SEMA3A: variants seen among roughly 807,000 people sequenced by gnomAD.
SEMA3A encodes semaphorin 3A.
SEMA3A carries 29 observed loss-of-function variants against 97.9 expected under a neutral mutation model. The ratio of observed to expected loss-of-function variants is 0.30; its 90% CI spans 0.22 to 0.40. SEMA3A has a LOEUF of 0.40. SEMA3A is among the 10% of genes least tolerant of loss of function. SEMA3A has a pLI of 1.00. For missense variants in SEMA3A, 763 were observed against 951.3 expected, an observed-to-expected ratio of 0.80 and a Z score of 2.60; for synonymous variants, 321 against 323.7, an observed-to-expected ratio of 0.99 and a Z score of 0.09.
rs190731057 is a variant in SEMA3A at position 84,236,461 on chromosome 7, C to T, written c.-82-41793G>A. Among the ~76,000 whole-genome samples, 26 of 152,202 alleles carry T rather than the reference C, an allele frequency of 1.7e-4. No homozygotes were observed. In the East Asian group the frequency reaches 4.3e-3, roughly 25 times the overall value. ...TTCGCTAAAATTCTGAATATGATTG[C>T]CTCTCTTTGCAAGAGAAAATGAACA... On this transcript the variant is annotated intron_variant, in intron 3 of 3. Coordinates refer to the SEMA3A transcript ENST00000424555.
Position 84,121,847 on chromosome 7 carries a change from G to A in SEMA3A, c.333+7276C>T, listed in dbSNP as rs1795626382. ...GTAGAGACGGGGTTTCACCGTTTTAGCCGGGATGGTCTCGATCTCTTGACC... is the reference window on the plus strand; with the variant it reads ...GTAGAGACGGGGTTTCACCGTTTTAACCGGGATGGTCTCGATCTCTTGACC... On this transcript the variant is annotated intron_variant, in intron 3 of 16. Transcript: ENST00000265362. 4.3e-5 allele frequency among the ~76,000 whole-genome samples: 2 copies of A among 46,846 alleles called. 1 individual carries two copies. The highest frequency in any genetic ancestry group is 1.6e-4 in the African/African-American group (2 of 12,304). 30.7% of individuals were successfully genotyped at this position (46,846 alleles called of 152,430 possible). A position where few individuals can be genotyped will look rare whatever the true frequency, so the allele number is the denominator to read the frequency against.
At chr7:84,416,656 A>C (rs1391725897) in intron 1 of SEMA3A, among the ~76,000 whole-genome samples, 1 of 152,162 alleles carries the variant, frequency 6.6e-6, no homozygotes, top group Non-Finnish European at 1.5e-5. Context: ...ACTCTTTCAA[A>C]CATGAATCTT....
At chr7:84,006,228 T>C (rs960662967) in intron 10 of SEMA3A, among the ~76,000 whole-genome samples, 7 of 152,150 alleles carry the variant, frequency 4.6e-5, no homozygotes, top group Non-Finnish European at 1.5e-5. Flanking sequence ...AATAATTTTA[T>C]TGAATACATT....
chr7:84,439,951 AATAT>A (rs1289213495), intron 1 of SEMA3A, among the ~76,000 whole-genome samples: 1 of 152,224 alleles, frequency 6.6e-6, no homozygotes, highest in Non-Finnish European at 1.5e-5. Context: ...CATATATTCA[AATAT>A]TTATGAGTAC....
At chr7:84,174,908 T>C (rs1268129614) in intron 1 of SEMA3A, among the ~76,000 whole-genome samples, 2 of 152,330 alleles carry the variant, frequency 1.3e-5, no homozygotes, top group South Asian at 2.1e-4. Flanking sequence ...TCTAAAATGT[T>C]TAGCATCTCA....
chr7:84,169,457 T>C (rs1214035529), intron 1 of SEMA3A, among the ~76,000 whole-genome samples: 3 of 150,308 alleles, frequency 2.0e-5, no homozygotes, highest in African/African-American at 7.3e-5. Context: ...TTTTGTTTAC[T>C]GAAGCAATAT....
intron 2 of SEMA3A, among the ~76,000 whole-genome samples, chr7:84,370,647 TTACATTTAA>T (rs1334029040): frequency 6.6e-6 from 1 of 151,720 alleles, no homozygotes; most frequent in African/African-American, 2.4e-5. Context: ...TTTCAAGGCA[TTACATTTAA>T]TACACATTAT....
intron 15 of SEMA3A, among the ~76,000 whole-genome samples, chr7:83,966,418 G>A (rs1376032926): frequency 6.6e-6 from 1 of 152,084 alleles, no homozygotes; most frequent in Non-Finnish European, 1.5e-5. Flanking sequence ...ACCACAATAG[G>A]TTAATTTGGT....
At chr7:83,967,921 A>T (rs1320811875) in intron 15 of SEMA3A, among the ~76,000 whole-genome samples, 1 of 152,158 alleles carries the variant, frequency 6.6e-6, no homozygotes, top group Non-Finnish European at 1.5e-5. Flanking sequence ...TTAAACATTT[A>T]TCATTTCTTT....
At chr7:84,283,284 C>A (rs145258398) in intron 3 of SEMA3A, among the ~76,000 whole-genome samples, 1 of 152,034 alleles carries the variant, frequency 6.6e-6, no homozygotes, top group African/African-American at 2.4e-5. Flanking sequence ...GCATGGAAAG[C>A]AGATACATCA....
chr7:84,080,230 A>G (rs1794105929), intron 4 of SEMA3A, among the ~76,000 whole-genome samples: 1 of 145,478 alleles, frequency 6.9e-6, no homozygotes, highest in African/African-American at 2.6e-5. Flanking sequence ...TAGGGATAGC[A>G]TTAGGAGATA....
At chr7:84,039,535 C>A (rs1426175483) in intron 6 of SEMA3A, among the ~76,000 whole-genome samples, 1 of 152,048 alleles carries the variant, frequency 6.6e-6, no homozygotes, top group Non-Finnish European at 1.5e-5. Flanking sequence ...TGAGGGCCAC[C>A]AGCTCTATTT....
intron 3 of SEMA3A, among the ~76,000 whole-genome samples, chr7:84,305,227 G>T (rs1449202476): frequency 6.7e-5 from 10 of 148,280 alleles, no homozygotes; most frequent in Admixed American, 2.7e-4. Context: ...CTTTTTTCAG[G>T]TTACTTCCAG....
intron 3 of SEMA3A, among the ~76,000 whole-genome samples, chr7:84,282,765 G>A (rs888659084): frequency 4.6e-5 from 7 of 152,112 alleles, no homozygotes; most frequent in Non-Finnish European, 7.4e-5. Flanking sequence ...TGTAATCCCA[G>A]CACTTTGGGA....
intron 1 of SEMA3A, among the ~76,000 whole-genome samples, chr7:84,490,578 C>T (rs1005249438): frequency 6.6e-6 from 1 of 152,210 alleles, no homozygotes; most frequent in African/African-American, 2.4e-5. Context: ...GATTTTTTCA[C>T]TTAGTTGTTA....
At chr7:84,192,608 G>A (rs1474563901) in intron 1 of SEMA3A, among the ~76,000 whole-genome samples, 1 of 151,756 alleles carries the variant, frequency 6.6e-6, no homozygotes, top group African/African-American at 2.4e-5. Context: ...GTACAACAAA[G>A]GATATTCAAA....
intron 1 of SEMA3A, among the ~76,000 whole-genome samples, chr7:84,387,274 CAATA>C (rs879287670): frequency 1.3e-5 from 2 of 151,742 alleles, no homozygotes. Flanking sequence ...TTTACCACTG[CAATA>C]AATAAATAAA....
At chr7:84,015,069 G>A (rs1427098602) in intron 6 of SEMA3A, among the ~76,000 whole-genome samples, 2 of 151,968 alleles carry the variant, frequency 1.3e-5, no homozygotes, top group Non-Finnish European at 2.9e-5. Context: ...GTCTCCACAC[G>A]ACAGCCAGAA....
chr7:84,154,403 T>C lies in SEMA3A; in HGVS notation c.113-19452A>G, dbSNP rs185388668. On this transcript the variant is annotated intron_variant, in intron 1 of 16. Transcript: ENST00000265362. ...CATAAAGACAGGTGATGACGCCGGG[T>C]ACGATGGCTCACGCCTGTAATCCCA... Among the ~76,000 whole-genome samples the C allele has an allele frequency of 1.1e-3, 174 of 152,110 alleles. 1 individual carries two copies. The East Asian group carries it at 0.013, about 12-fold the overall frequency.
Sources: allele counts gnomAD v4.1 joint callset (sites outside exome capture counted in the v4.1 genomes callset), GRCh38; gene constraint gnomAD v4.1.1; transcripts MANE v1.5; gene names NCBI Gene and HGNC (gene_info 2026-07-23, HGNC 2026-07-21).